ASAP3: variants seen among roughly 807,000 people sequenced by gnomAD.
ASAP3 encodes arf-GAP with SH3 domain, ANK repeat and PH domain-containing protein 3.
Under a neutral mutation model 118.2 loss-of-function variants are expected in ASAP3, and 85 were observed. That is an observed-to-expected ratio of 0.72 (90% CI 0.60 to 0.86). The LOEUF is 0.86. Among genes scored for constraint, ASAP3 ranks in the 40% least tolerant of loss-of-function variants. The probability of loss-of-function intolerance (pLI) is 0.00; values close to 1 mark genes in which losing one functional copy is unlikely to be tolerated. For missense variants in ASAP3, 1,026 were observed against 1,175.0 expected (o/e 0.87, Z 1.85); for synonymous variants, 432 against 477.4 (o/e 0.90, Z 1.24).
Position 23,433,119 on chromosome 1 carries a change from AAG to A in ASAP3, c.2279_2280del (p.Ser760PhefsTer18). 6.2e-7 allele frequency: 1 copy of A among 1,614,086 alleles called. No homozygotes were observed. Among genetic ancestry groups the A allele is most frequent in the Non-Finnish European group, 8.5e-7 (1 of 1,179,992 alleles). ...DCPPPLPVKN[S>X]SRTLVQGCAR... ...GCACACCCTTGGACCAAAGTCCGAG[AAG>A]AGTTTTTGACTGGCAAGGGCGGGGG... On this transcript the variant is annotated frameshift_variant, in exon 22 of 25. Transcript: ENST00000336689. LOFTEE classifies it high-confidence loss of function.
At chr1:23,434,011 A>G (rs766563662) in intron 19 of ASAP3, among the ~76,000 whole-genome samples, 1 of 152,242 alleles carries the variant, frequency 6.6e-6, no homozygotes, top group Non-Finnish European at 1.5e-5. Flanking sequence ...GATCTAGCTA[A>G]TATTTATTTG....
At chr1:23,466,572 CA>C (rs1641776237) in intron 1 of ASAP3, among the ~76,000 whole-genome samples, 2 of 152,326 alleles carry the variant, frequency 1.3e-5, no homozygotes, top group Admixed American at 1.3e-4. Flanking sequence ...TCTCTGCAGG[CA>C]AAAGACCACA....
intron 1 of ASAP3, among the ~76,000 whole-genome samples, chr1:23,468,115 C>A (rs1641836825): frequency 6.6e-6 from 1 of 152,058 alleles, no homozygotes; most frequent in Admixed American, 6.6e-5. Flanking sequence ...CAGCGAGGCA[C>A]AGAACAGTGA....
At position 23,439,244 on chromosome 1, in the gene ASAP3, G is replaced by T; in HGVS notation, c.945-14C>A. The T allele has an allele frequency of 6.2e-7, 1 of 1,613,494 alleles. No individual in the cohort carries two copies. Among genetic ancestry groups the T allele is most frequent in the Non-Finnish European group, 8.5e-7 (1 of 1,179,736 alleles). The stretch of plus-strand genomic sequence containing the variant: ...ACTCTTCGAATTCTAAAGCCCAGAG[G>T]GATAGAAGGACAGTGACCCAAGGCT... On this transcript the variant is annotated splice_polypyrimidine_tract_variant and intron_variant, in intron 10 of 24. Coordinates refer to ENST00000336689, the MANE Select transcript of ASAP3 (RefSeq NM_017707.4).
chr1:23,452,366 T>C (rs1372724096), intron 4 of ASAP3, among the ~76,000 whole-genome samples: 2 of 152,218 alleles, frequency 1.3e-5, no homozygotes, highest in Non-Finnish European at 2.9e-5. Flanking sequence ...GGCTCTCTAC[T>C]TCCTAGTTAT....
At chr1:23,430,817 G>A (rs1385938998) in intron 24 of ASAP3, among the ~76,000 whole-genome samples, 1 of 152,028 alleles carries the variant, frequency 6.6e-6, no homozygotes, top group East Asian at 1.9e-4. Context: ...CCAGGACAGG[G>A]ACTGGCCAAA....
At chr1:23,453,454 T>C (rs1208267215) in intron 3 of ASAP3, among the ~76,000 whole-genome samples, 1 of 152,106 alleles carries the variant, frequency 6.6e-6, no homozygotes, top group Non-Finnish European at 1.5e-5. Flanking sequence ...CATCTTTATT[T>C]TGGTAAGATG....
At chr1:23,430,032 T>C in intron 24 of ASAP3, 102 bp from the exon 25 acceptor site, 1 of 982,526 alleles carries the variant, frequency 1.0e-6, no homozygotes. Flanking sequence ...ATAAATTAAA[T>C]TATTCTCATT....
Position 23,437,212 on chromosome 1 carries a change from C to T in ASAP3, c.1260G>A (p.Glu420=), listed in dbSNP as rs1640703791. ...GSWGSAGHDG[E]PHDLTKLLIA... is the part of the protein sequence containing the mutation. ...TGAGCAGCTTTGTGAGGTCGTGCGG[C>T]TCCCCATCATGGCCGGCGGACCCCC... The change falls in exon 14 of 25, where the codon GAG becomes GAA. Residue 420 remains glutamate (E), a synonymous_variant. Transcript: ENST00000336689. This position sits in a 1 kb window ranked among gnomAD's most constrained non-coding sequence, Gnocchi z 6.1. 2 of 1,603,474 alleles carry T rather than the reference C, an allele frequency of 1.2e-6. No individual in the cohort carries two copies. Among genetic ancestry groups the T allele is most frequent in the Non-Finnish European group, 1.7e-6 (2 of 1,175,404 alleles).
At chr1:23,473,958 T>C (rs571638327) in intron 1 of ASAP3, among the ~76,000 whole-genome samples, 2 of 144,408 alleles carry the variant, frequency 1.4e-5, no homozygotes, top group African/African-American at 5.1e-5. Context: ...GAGGCGAAAA[T>C]GGCATTAAAT....
At chr1:23,440,240 G>A (rs987363304) in intron 10 of ASAP3, among the ~76,000 whole-genome samples, 52 of 149,906 alleles carry the variant, frequency 3.5e-4, no homozygotes, top group African/African-American at 1.2e-3. Flanking sequence ...AGTGGCTCAC[G>A]CCTGTAATCC....
intron 5 of ASAP3, among the ~76,000 whole-genome samples, chr1:23,444,770 C>T (rs1343368705): frequency 6.6e-6 from 1 of 152,138 alleles, no homozygotes; most frequent in African/African-American, 2.4e-5. Context: ...CAGAATCTGT[C>T]CCTGGGGACC....
chr1:23,442,415 G>A lies in ASAP3; in HGVS notation c.585+86C>T. On this transcript the variant is annotated intron_variant, in intron 6 of 24. Coordinates refer to ENST00000336689, the MANE Select transcript of ASAP3 (RefSeq NM_017707.4). Reference sequence around the variant, plus strand: ...CCACAGGGCCATGTGGCCAGGACCTGAGCTGAGGCTGTGACTGGTCCCCTG... The same window carrying A: ...CCACAGGGCCATGTGGCCAGGACCTAAGCTGAGGCTGTGACTGGTCCCCTG... 6 of 1,595,524 alleles carry A rather than the reference G, an allele frequency of 3.8e-6. No individual in the cohort carries two copies. In the South Asian group the frequency reaches 4.5e-5, roughly 12 times the overall value.
intron 1 of ASAP3, among the ~76,000 whole-genome samples, chr1:23,465,165 T>C (rs148424580): frequency 9.2e-5 from 14 of 152,368 alleles, no homozygotes; most frequent in African/African-American, 3.4e-4. Context: ...TACTTCAAAA[T>C]TAAATTGAAT....
chr1:23,467,271 C>T (rs1174518871), intron 1 of ASAP3, among the ~76,000 whole-genome samples: 2 of 151,634 alleles, frequency 1.3e-5, no homozygotes, highest in Non-Finnish European at 2.9e-5. Context: ...GGCGTGATCT[C>T]GGCTCACTGC....
intron 1 of ASAP3, among the ~76,000 whole-genome samples, chr1:23,475,246 C>T (rs1036596423): frequency 1.3e-5 from 2 of 152,244 alleles, no homozygotes; most frequent in African/African-American, 4.8e-5. Flanking sequence ...GCAACCACAG[C>T]AATGGTGTCT....
intron 3 of ASAP3, among the ~76,000 whole-genome samples, chr1:23,453,024 G>A (rs1455349268): frequency 6.6e-6 from 1 of 152,118 alleles, no homozygotes; most frequent in Non-Finnish European, 1.5e-5. Context: ...TGCCCGCCAG[G>A]CTTCCTGTGT....
Position 23,436,988 on chromosome 1 carries a change from C to G in ASAP3, c.1399G>C (p.Val467Leu). ...AAGCGCACGCCCAGTTCGCGGTGGA[C>G]GCCCGAGCACTGGATGCAGGTGAGC... ...GVLTCIQCSG[V>L]HRELGVRFSR... Residue 467 changes from valine (V) to leucine (L), a missense_variant, in exon 15 of 25, where the codon GTC (valine) becomes CTC (leucine). Coordinates refer to ENST00000336689, the MANE Select transcript of ASAP3 (RefSeq NM_017707.4). This position sits in a 1 kb window ranked among gnomAD's most constrained non-coding sequence, Gnocchi z 4.2. 6.2e-7 allele frequency: 1 copy of G among 1,612,208 alleles called. No individual in the cohort carries two copies. Among genetic ancestry groups the G allele is most frequent in the Non-Finnish European group, 8.5e-7 (1 of 1,179,632 alleles).
chr1:23,431,545 C>T (rs1001800888), intron 23 of ASAP3, 151 bp downstream of exon 23: 2 of 755,900 alleles, frequency 2.6e-6, no homozygotes, highest in South Asian at 4.6e-5. Context: ...GGGAAGGGGT[C>T]CCAGGGTTCA....
Sources: allele counts gnomAD v4.1 joint callset (sites outside exome capture counted in the v4.1 genomes callset), GRCh38; gene constraint gnomAD v4.1.1; non-coding constraint Gnocchi (gnomAD v3.1); transcripts MANE v1.5; gene names NCBI Gene and HGNC (gene_info 2026-07-23, HGNC 2026-07-21).